NRBF2: variants seen among roughly 807,000 people sequenced by gnomAD.
The protein encoded by NRBF2 is nuclear receptor binding factor 2, also known as nuclear receptor-binding factor 2.
A neutral mutation model predicts 28.5 loss-of-function variants in NRBF2; 12 were observed. That is an observed-to-expected ratio of 0.42 (90% CI 0.27 to 0.68). The LOEUF is 0.68. NRBF2 is among the 30% of genes least tolerant of loss of function. NRBF2 has a pLI of 0.24. For missense variants in NRBF2, 274 were observed against 333.5 expected (o/e 0.82, Z 1.39); for synonymous variants, 102 against 116.5 (o/e 0.88, Z 0.80).
intron 1 of NRBF2, among the ~76,000 whole-genome samples, chr10:63,135,008 C>G (rs1325114660): frequency 6.6e-5 from 10 of 152,100 alleles, no homozygotes; most frequent in Non-Finnish European, 1.3e-4. Context: ...GGCAACATGG[C>G]GAAACCCGGT....
chr10:63,142,302 G>GT (rs141743950), intron 1 of NRBF2, among the ~76,000 whole-genome samples: 12,661 of 133,198 alleles, frequency 0.095, 957 homozygotes, highest in African/African-American at 0.15. Flanking sequence ...TGTTTTTTTT[G>GT]TTTTTTTTGT....
intron 1 of NRBF2, among the ~76,000 whole-genome samples, chr10:63,140,077 G>A (rs932402631): frequency 6.6e-6 from 1 of 152,128 alleles, no homozygotes; most frequent in Non-Finnish European, 1.5e-5. Flanking sequence ...GGTTGTGGCT[G>A]CAGTGAGCCG....
chr10:63,142,032 A>AT (rs80082080), intron 1 of NRBF2, among the ~76,000 whole-genome samples: 35,386 of 152,034 alleles, frequency 0.23, 5,150 homozygotes, highest in Non-Finnish European at 0.32. Flanking sequence ...AGAACTTTTT[A>AT]TTTTTTTGGT....
intron 3 of NRBF2, among the ~76,000 whole-genome samples, chr10:63,153,063 C>T (rs1208886298): frequency 1.3e-5 from 2 of 152,180 alleles, no homozygotes; most frequent in Non-Finnish European, 2.9e-5. Flanking sequence ...GAGATCATTT[C>T]TGTGAGGTAT....
At chr10:63,149,180 G>A (rs746344661) in intron 2 of NRBF2, among the ~76,000 whole-genome samples, 2 of 152,158 alleles carry the variant, frequency 1.3e-5, no homozygotes, top group Non-Finnish European at 2.9e-5. Flanking sequence ...TGGAGTGCAT[G>A]ATCTCAGCTC....
At chr10:63,148,110 C>T (rs1841592513) in intron 2 of NRBF2, among the ~76,000 whole-genome samples, 1 of 152,098 alleles carries the variant, frequency 6.6e-6, no homozygotes, top group Non-Finnish European at 1.5e-5. Context: ...TGGAGTGAAT[C>T]AGCATATGTT....
In NRBF2 at chr10:63,133,345, C is replaced by T; in HGVS notation, c.-126C>T. ...AGGTTGTTGCTCCTTCAGCGCCTAT[C>T]GCTGGCTCTTGGGGCGCAGAGAGGG... is the stretch of plus-strand genomic sequence containing the variant. On this transcript the variant is annotated 5_prime_UTR_variant, in exon 1 of 4. Coordinates refer to ENST00000277746, the MANE Select transcript of NRBF2 (RefSeq NM_030759.5). The T allele has an allele frequency of 4.4e-6, 5 of 1,134,920 alleles. No homozygotes were observed. The highest frequency in any genetic ancestry group is 6.4e-6 in the Non-Finnish European group (5 of 779,010). 70.3% of individuals were successfully genotyped at this position (1,134,920 alleles called of 1,614,324 possible). A position where few individuals can be genotyped will look rare whatever the true frequency, so the allele number is the denominator to read the frequency against.
chr10:63,145,456 G>A (rs1239430458), intron 1 of NRBF2, among the ~76,000 whole-genome samples: 2 of 152,318 alleles, frequency 1.3e-5, no homozygotes, highest in Middle Eastern at 3.4e-3. Context: ...TGATCCGCCT[G>A]CCTCAGCCTC....
rs1589022939 is a variant in NRBF2, at chr10:63,153,783, T to C, written c.429T>C (p.Tyr143=). 1.9e-6 allele frequency: 3 copies of C among 1,613,032 alleles called. No homozygotes were observed. The highest frequency in any genetic ancestry group is 2.5e-6 in the Non-Finnish European group (3 of 1,179,848). Residue 143 remains tyrosine, a synonymous_variant, in exon 4 of 4, where the codon TAT becomes TAC. Coordinates refer to ENST00000277746, the MANE Select transcript of NRBF2 (RefSeq NM_030759.5). ...IFDRDPDTLL[Y]LLQQKSEPAE... is the part of the protein sequence containing the mutation. Reference sequence around the variant, plus strand: ...ACAGGGATCCAGACACACTACTTTATTTACTTCAGCAAAAGAGTGAGCCAG... The same window carrying C: ...ACAGGGATCCAGACACACTACTTTACTTACTTCAGCAAAAGAGTGAGCCAG...
At position 63,146,236 on chromosome 10, in the gene NRBF2, C is replaced by T. The variant is rs368039646; in HGVS notation, c.58C>T (p.Arg20Cys). 1.1e-5 allele frequency: 17 copies of T among 1,611,848 alleles called. No homozygotes were observed. Among genetic ancestry groups the T allele is most frequent in the Non-Finnish European group, 1.2e-5 (14 of 1,179,674 alleles). The stretch of plus-strand genomic sequence containing the variant: ...TCATCAACAGAGCAGACGAGCAGAC[C>T]GTTTATTAGCTGCAGGCAAATACGA... ...LAHQQSRRAD[R>C]LLAAGKYEEA... Residue 20 changes from arginine to cysteine, a missense_variant, in exon 2 of 4, where the codon CGT (arginine) becomes TGT (cysteine). Physicochemically the swap from Arg to Cys is radical, Grantham distance 180 (BLOSUM62 -3). Transcript: ENST00000277746.
chr10:63,144,508 G>T (rs967743976), intron 1 of NRBF2, among the ~76,000 whole-genome samples: 1 of 149,140 alleles, frequency 6.7e-6, no homozygotes, highest in African/African-American at 2.5e-5. Context: ...TCTGCCTTCC[G>T]GGTTCACGCT....
At chr10:63,136,515 C>T (rs573310023) in intron 1 of NRBF2, among the ~76,000 whole-genome samples, 5 of 152,216 alleles carry the variant, frequency 3.3e-5, no homozygotes, top group Non-Finnish European at 7.3e-5. Flanking sequence ...GGACTTATCA[C>T]AGTACATGGA....
chr10:63,133,559 C>G (rs760209518), intron 1 of NRBF2, 59 bp downstream of exon 1: 16 of 1,330,994 alleles, frequency 1.2e-5, no homozygotes, highest in Admixed American at 1.7e-5. Context: ...GGAGCCCGGC[C>G]CCGTCCCCGG....
intron 2 of NRBF2, 99 bp from the exon 3 acceptor site, chr10:63,152,051 A>T: frequency 2.4e-6 from 2 of 820,074 alleles, no homozygotes; most frequent in Non-Finnish European, 4.0e-6. Flanking sequence ...TTATCAGACC[A>T]GTTCTCTTTG....
intron 2 of NRBF2, among the ~76,000 whole-genome samples, chr10:63,149,114 C>G (rs779307882): frequency 2.0e-5 from 3 of 152,076 alleles, no homozygotes; most frequent in Non-Finnish European, 2.9e-5. Context: ...ATAGATGTTA[C>G]TATTTTTTGG....
At chr10:63,135,732 C>T (rs1589015355) in intron 1 of NRBF2, among the ~76,000 whole-genome samples, 1 of 151,624 alleles carries the variant, frequency 6.6e-6, no homozygotes, top group African/African-American at 2.4e-5. Context: ...CTGCAACCTC[C>T]GACTCCCTGG....
intron 1 of NRBF2, among the ~76,000 whole-genome samples, chr10:63,138,571 C>T (rs990384328): frequency 5.3e-5 from 8 of 151,434 alleles, no homozygotes; most frequent in Non-Finnish European, 7.4e-5. Flanking sequence ...GGTGAAACCC[C>T]GTCTCTACTA....
chr10:63,142,738 C>T (rs1841492186), intron 1 of NRBF2, among the ~76,000 whole-genome samples: 1 of 146,132 alleles, frequency 6.8e-6, no homozygotes, highest in Admixed American at 6.8e-5. Flanking sequence ...AAAATTCATC[C>T]ATTATTTTAA....
intron 2 of NRBF2, among the ~76,000 whole-genome samples, chr10:63,146,623 A>G (rs984026373): frequency 6.6e-6 from 1 of 152,254 alleles, no homozygotes; most frequent in Non-Finnish European, 1.5e-5. Context: ...ATAGTTGGCC[A>G]TTTCAGGTTC....
Sources: allele counts gnomAD v4.1 joint callset (sites outside exome capture counted in the v4.1 genomes callset), GRCh38; gene constraint gnomAD v4.1.1; transcripts MANE v1.5; gene names NCBI Gene and HGNC (gene_info 2026-07-23, HGNC 2026-07-21).